KIAA0930: variants seen among roughly 807,000 people sequenced by gnomAD.
The protein encoded by KIAA0930 is uncharacterized protein KIAA0930.
In KIAA0930, 24 loss-of-function variants were observed where a neutral mutation model predicts 43.9. The ratio of observed to expected loss-of-function variants is 0.55; its 90% CI spans 0.40 to 0.77. The LOEUF is 0.77. KIAA0930 is among the 30% of genes least tolerant of loss of function. The pLI is 0.00. For synonymous variants in KIAA0930, 259 were observed against 216.4 expected (o/e 1.20, Z -1.73); for missense variants, 461 against 574.2 (o/e 0.80, Z 2.02).
intron 1 of KIAA0930, among the ~76,000 whole-genome samples, chr22:45,229,722 G>A (rs368277057): frequency 1.3e-5 from 2 of 152,344 alleles, no homozygotes; most frequent in African/African-American, 4.8e-5. Context: ...TCTTACGGCT[G>A]GGGCTCAGGG....
intron 1 of KIAA0930, among the ~76,000 whole-genome samples, chr22:45,217,360 CAAAAAAA>C (rs58492110): frequency 0.025 from 1,730 of 68,716 alleles, 50 homozygotes; most frequent in East Asian, 0.23. Flanking sequence ...GACCCCGTCT[CAAAAAAA>C]AAAAAAAAAA....
chr22:45,228,676 C>T (rs541431883), intron 1 of KIAA0930, among the ~76,000 whole-genome samples: 1 of 151,808 alleles, frequency 6.6e-6, no homozygotes, highest in South Asian at 2.1e-4. Flanking sequence ...CACCTCTTCA[C>T]CGGAAAGATC....
At chr22:45,201,299 C>T (rs1383006306) in intron 7 of KIAA0930, among the ~76,000 whole-genome samples, 1 of 152,238 alleles carries the variant, frequency 6.6e-6, no homozygotes, top group African/African-American at 2.4e-5. Context: ...CCCCAGGGGC[C>T]AGCCCTGCTG....
intron 2 of KIAA0930, 36 bp from the exon 3 acceptor site, chr22:45,205,948 C>T (rs1247536402): frequency 1.9e-6 from 3 of 1,607,560 alleles, no homozygotes; most frequent in Admixed American, 3.3e-5. Flanking sequence ...TGCCCAGGGC[C>T]CACTGTGGTG....
At chr22:45,222,458 C>T (rs1304180851) in intron 1 of KIAA0930, among the ~76,000 whole-genome samples, 9 of 152,064 alleles carry the variant, frequency 5.9e-5, no homozygotes, top group South Asian at 4.2e-4. Flanking sequence ...TATAGGCGCA[C>T]GCCACCACAC....
intron 1 of KIAA0930, among the ~76,000 whole-genome samples, chr22:45,230,801 C>G (rs1052171878): frequency 1.3e-5 from 2 of 151,684 alleles, no homozygotes; most frequent in Non-Finnish European, 2.9e-5. Flanking sequence ...AGGCTGGTCT[C>G]GAGCTCCTGA....
chr22:45,203,714 G>T, intron 6 of KIAA0930, 131 bp downstream of exon 6: 2 of 998,646 alleles, frequency 2.0e-6, no homozygotes, highest in Non-Finnish European at 2.9e-6. Flanking sequence ...GCCCGGAGGG[G>T]CTGCAGGTAC....
At chr22:45,201,475 G>A (rs891321567) in intron 7 of KIAA0930, among the ~76,000 whole-genome samples, 15 of 152,174 alleles carry the variant, frequency 9.9e-5, no homozygotes, top group Non-Finnish European at 1.8e-4. Flanking sequence ...CCCTCAGGCT[G>A]TGGCTGGAGG....
At position 45,205,835 on chromosome 22, in the gene KIAA0930, G is replaced by A. The variant is rs779777240; in HGVS notation, c.294C>T (p.Ile98=). The change falls in exon 3 of 10, where the codon ATC becomes ATT. Residue 98 remains isoleucine, a synonymous_variant. Coordinates refer to ENST00000336156, the MANE Select transcript of KIAA0930 (RefSeq NM_001009880.2). ...KKLPGLGDPD[I]DWEESVCLNL... ...TCAGGCAGACGCTCTCCTCCCAGTCGATGTCAGGGTCTCCCAGGCCTGGCA... is the reference window on the plus strand; with the variant it reads ...TCAGGCAGACGCTCTCCTCCCAGTCAATGTCAGGGTCTCCCAGGCCTGGCA... 32 of 1,522,416 alleles carry A rather than the reference G, an allele frequency of 2.1e-5. No homozygotes were observed. The East Asian group carries it at 2.6e-4, about 13-fold the overall frequency. 94.3% of individuals were successfully genotyped at this position (1,522,416 alleles called of 1,614,324 possible).
intron 1 of KIAA0930, among the ~76,000 whole-genome samples, chr22:45,228,851 T>TCCACCCCCCAACCACCAAACAC (rs2083824300): frequency 2.0e-5 from 1 of 50,312 alleles, no homozygotes; most frequent in Non-Finnish European, 3.5e-5. Context: ...AAGATCCCTC[T>TCCACCCCCCAACCACCAAACAC]TCACCCCCCA....
rs534916570 is a variant in KIAA0930, at chr22:45,208,807, G to A, written c.217-2895C>T. Among the ~76,000 whole-genome samples, 91 of 152,358 alleles carry A rather than the reference G, an allele frequency of 6.0e-4. 1 individual carries two copies. The highest frequency in any genetic ancestry group is 2.1e-3 in the African/African-American group (88 of 41,576). On this transcript the variant is annotated intron_variant, in intron 2 of 9. Transcript: ENST00000336156. Reference sequence around the variant, plus strand: ...GGGCTTCGCCGCTGGCAAACTGTGTGACCCCAGGAAGCTTCCTCCCCGTCT... The same window carrying A: ...GGGCTTCGCCGCTGGCAAACTGTGTAACCCCAGGAAGCTTCCTCCCCGTCT...
At chr22:45,212,947 A>C (rs1420216586) in intron 1 of KIAA0930, among the ~76,000 whole-genome samples, 1 of 152,122 alleles carries the variant, frequency 6.6e-6, no homozygotes, top group Non-Finnish European at 1.5e-5. Context: ...TCAACACTTC[A>C]AAATATGCAG....
At position 45,240,653 on chromosome 22, in the gene KIAA0930, C is replaced by T; in HGVS notation, c.51G>A (p.Glu17=). ...EERGRLSLRR[E]VCGLGCFKDD... ...GGTCCCACTCACCGAGGCCGCAGAC[C>T]TCGCGGCGCAGGCTAAGACGGCCGC... The change falls in exon 1 of 10, where the codon GAG becomes GAA. Residue 17 remains glutamate (E), a synonymous_variant. Coordinates refer to ENST00000336156, the MANE Select transcript of KIAA0930 (RefSeq NM_001009880.2). 2 of 1,528,496 alleles carry T rather than the reference C, an allele frequency of 1.3e-6. No homozygotes were observed. Among genetic ancestry groups the T allele is most frequent in the Non-Finnish European group, 1.7e-6 (2 of 1,144,024 alleles). 94.7% of individuals were successfully genotyped at this position (1,528,496 alleles called of 1,614,324 possible). A position where few individuals can be genotyped will look rare whatever the true frequency, so the allele number is the denominator to read the frequency against.
chr22:45,214,483 T>C (rs2083719058), intron 1 of KIAA0930, among the ~76,000 whole-genome samples: 1 of 152,252 alleles, frequency 6.6e-6, no homozygotes, highest in Admixed American at 6.5e-5. Flanking sequence ...AGCTATTTAC[T>C]GTATGATCAC....
intron 1 of KIAA0930, among the ~76,000 whole-genome samples, chr22:45,224,610 G>A (rs2083787439): frequency 6.6e-6 from 1 of 152,214 alleles, no homozygotes; most frequent in South Asian, 2.1e-4. Flanking sequence ...CAGCTTCAGT[G>A]GAAGCAGGAT....
chr22:45,217,338 G>C (rs569088693), intron 1 of KIAA0930, among the ~76,000 whole-genome samples: 1 of 129,352 alleles, frequency 7.7e-6, no homozygotes, highest in Non-Finnish European at 1.6e-5. Context: ...TCTAGCCTGG[G>C]AGACAGAGCA....
intron 1 of KIAA0930, among the ~76,000 whole-genome samples, chr22:45,212,877 C>T (rs1317435911): frequency 1.3e-5 from 2 of 152,214 alleles, no homozygotes; most frequent in South Asian, 4.1e-4. Context: ...GCAGACAAAC[C>T]GAGACCACGG....
chr22:45,235,014 G>GA (rs1216608802), intron 1 of KIAA0930, among the ~76,000 whole-genome samples: 1 of 151,236 alleles, frequency 6.6e-6, no homozygotes, highest in Non-Finnish European at 1.5e-5. Flanking sequence ...TTTTTAATTA[G>GA]AAAAAAATGT....
chr22:45,198,312 G>A (rs1837953251), intron 8 of KIAA0930, among the ~76,000 whole-genome samples: 1 of 152,256 alleles, frequency 6.6e-6, no homozygotes, highest in Admixed American at 6.5e-5. Context: ...GCAGAGCATG[G>A]GAGCAGCAAG....
Sources: allele counts gnomAD v4.1 joint callset (sites outside exome capture counted in the v4.1 genomes callset), GRCh38; gene constraint gnomAD v4.1.1; transcripts MANE v1.5; gene names NCBI Gene and HGNC (gene_info 2026-07-23, HGNC 2026-07-21).